Variants in RNF128 observed in about 807,000 individuals in gnomAD.
RNF128 encodes the protein E3 ubiquitin-protein ligase RNF128.
A neutral mutation model predicts 26.2 loss-of-function variants in RNF128; 13 were observed. The observed-to-expected ratio is 0.50, with a 90% CI of 0.32 to 0.79. The LOEUF (loss-of-function observed/expected upper bound fraction) is 0.79, where lower values mean the gene tolerates loss of function less well. Ranked by LOEUF, RNF128 falls within the 30% of genes least tolerant of loss-of-function variation. The probability of loss-of-function intolerance (pLI) is 0.03; values close to 1 mark genes in which losing one functional copy is unlikely to be tolerated. For synonymous variants in RNF128, 149 were observed against 142.5 expected (o/e 1.05, Z -0.32); for missense variants, 315 against 349.7 (o/e 0.90, Z 0.79).
At chrX:106,771,558 G>A (rs1231183064) in intron 1 of RNF128, among the ~76,000 whole-genome samples, 5 of 112,974 alleles carry the variant, frequency 4.4e-5, no homozygotes, top group East Asian at 5.6e-4. Flanking sequence ...TGAGCCAGGC[G>A]CGGGTTATAA....
intron 1 of RNF128, among the ~76,000 whole-genome samples, chrX:106,719,753 T>A (rs189475338): frequency 1.8e-5 from 2 of 109,568 alleles, no homozygotes; most frequent in East Asian, 5.7e-4. Flanking sequence ...CTATTTTAGT[T>A]GAGAAAGAAG....
chrX:106,739,731 C>G (rs950841703), intron 1 of RNF128, among the ~76,000 whole-genome samples: 3 of 110,901 alleles, frequency 2.7e-5, no homozygotes, highest in African/African-American at 9.8e-5. Context: ...CATGTGTGGA[C>G]CTTAATGTAG....
chrX:106,767,185 T>A (rs1318568277), intron 1 of RNF128, among the ~76,000 whole-genome samples: 2 of 111,773 alleles, frequency 1.8e-5, no homozygotes, highest in African/African-American at 6.5e-5. Context: ...CTTAGGATTG[T>A]CTTGGCGATG....
chrX:106,720,041 T>A (rs892789147), intron 1 of RNF128, among the ~76,000 whole-genome samples: 25 of 111,312 alleles, frequency 2.2e-4, no homozygotes, highest in African/African-American at 8.2e-4. Context: ...TCTTTTGGAA[T>A]CTTCACCTTA....
chrX:106,717,949 T>C (rs1471287779), intron 1 of RNF128, among the ~76,000 whole-genome samples: 3 of 112,016 alleles, frequency 2.7e-5, no homozygotes, highest in East Asian at 5.6e-4. Flanking sequence ...ATCTACTCTT[T>C]AGTAGACTAC....
intron 1 of RNF128, among the ~76,000 whole-genome samples, chrX:106,755,843 C>A (rs1442880102): frequency 9.1e-6 from 1 of 110,441 alleles, no homozygotes; most frequent in Non-Finnish European, 1.9e-5. Flanking sequence ...ACCCCATTGT[C>A]TCAGCCCAAA....
intron 1 of RNF128, among the ~76,000 whole-genome samples, chrX:106,738,886 A>G (rs1049176490): frequency 9.9e-5 from 11 of 111,537 alleles, no homozygotes; most frequent in African/African-American, 3.3e-4. Flanking sequence ...CCATCTCCTT[A>G]CCCTCATCTA....
intron 4 of RNF128, among the ~76,000 whole-genome samples, chrX:106,788,483 A>G (rs1187333438): frequency 1.8e-5 from 1 of 54,807 alleles, no homozygotes; most frequent in African/African-American, 7.6e-5. Flanking sequence ...TTGTAATTAT[A>G]TATTATAATT....
At chrX:106,781,739 T>C (rs1449136026) in intron 2 of RNF128, among the ~76,000 whole-genome samples, 1 of 112,443 alleles carries the variant, frequency 8.9e-6, no homozygotes, top group Non-Finnish European at 1.9e-5. Context: ...CACATTTTTA[T>C]TCTAAGGCTG....
chrX:106,736,455 A>G (rs999228849), intron 1 of RNF128, among the ~76,000 whole-genome samples: 2 of 110,908 alleles, frequency 1.8e-5, no homozygotes, highest in African/African-American at 3.3e-5. Context: ...ATACATACAC[A>G]CCCCTCTTAG....
chrX:106,707,947 G>T (rs940517596), intron 1 of RNF128, among the ~76,000 whole-genome samples: 97 of 111,738 alleles, frequency 8.7e-4, no homozygotes, highest in African/African-American at 2.9e-3. Context: ...CAGGGACTTT[G>T]TTTCATTCAT....
At chrX:106,740,411 A>G in intron 1 of RNF128, among the ~76,000 whole-genome samples, 1 of 111,706 alleles carries the variant, frequency 9.0e-6, no homozygotes, top group African/African-American at 3.3e-5. Flanking sequence ...TGAAAGGTTC[A>G]GGATAAAGTG....
rs958312751 is a variant in RNF128, at chrX:106,796,803, G to A, written c.*1090G>A. ...AAAATGCACTTTATTTGTACTCTGT[G>A]TGGCTTTTGTTTTAGAATTTTGTTC... is the stretch of plus-strand genomic sequence containing the variant. On this transcript the variant is annotated 3_prime_UTR_variant, in exon 7 of 7. Transcript: ENST00000255499. The A allele has an allele frequency of 1.8e-5, 2 of 111,526 alleles. No individual in the cohort carries two copies. The highest frequency in any genetic ancestry group is 6.5e-5 in the African/African-American group (2 of 30,615). 9.2% of individuals were successfully genotyped at this position (111,526 alleles called of 1,213,427 possible). A position where few individuals can be genotyped will look rare whatever the true frequency, so the allele number is the denominator to read the frequency against.
chrX:106,769,546 G>GTTTTTTTTTTTTTTTTT (rs752900867), intron 1 of RNF128, among the ~76,000 whole-genome samples: 16 of 65,095 alleles, frequency 2.5e-4, no homozygotes, highest in East Asian at 5.7e-4. Context: ...CACCTGCTTT[G>GTTTTTTTTTTTTTTTTT]TTTTTTTTTT....
chrX:106,770,240 A>C (rs999694952), intron 1 of RNF128, among the ~76,000 whole-genome samples: 8 of 111,012 alleles, frequency 7.2e-5, no homozygotes, highest in African/African-American at 2.6e-4. Context: ...TGCTCTTCTC[A>C]AGGAGTATCT....
intron 6 of RNF128, among the ~76,000 whole-genome samples, chrX:106,791,463 A>C (rs5962363): frequency 0.027 from 2,973 of 111,588 alleles, 100 homozygotes; most frequent in African/African-American, 0.093. Flanking sequence ...TACAAAAGAA[A>C]GATTTATTGG....
upstream of RNF128, chrX:106,726,603 C>T (rs1223451594): frequency 2.1e-5 from 18 of 866,717 alleles, no homozygotes; most frequent in Non-Finnish European, 2.4e-5. Flanking sequence ...TTTTAAGAGG[C>T]GGATCCCGCA....
At chrX:106,764,905 G>C (rs1461278733) in intron 1 of RNF128, among the ~76,000 whole-genome samples, 2 of 111,530 alleles carry the variant, frequency 1.8e-5, no homozygotes, top group African/African-American at 6.5e-5. Context: ...AATAATGTCT[G>C]TGATTTTAGT....
rs1291777206 is a variant in RNF128 at position 106,796,332 on chromosome X, A to T, written c.*619A>T. ...TAGTTTATCAGAGATTATGGACTTAATTGATTGGTATATTAGTGACATCAA... is the reference window on the plus strand; with the variant it reads ...TAGTTTATCAGAGATTATGGACTTATTTGATTGGTATATTAGTGACATCAA... On this transcript the variant is annotated 3_prime_UTR_variant, in exon 7 of 7. Transcript: ENST00000255499. 5.4e-5 allele frequency: 6 copies of T among 111,917 alleles called. No individual in the cohort carries two copies. Among genetic ancestry groups the T allele is most frequent in the African/African-American group, 1.6e-4 (5 of 30,777 alleles). 9.2% of individuals were successfully genotyped at this position (111,917 alleles called of 1,213,427 possible). A position where few individuals can be genotyped will look rare whatever the true frequency, so the allele number is the denominator to read the frequency against.
Sources: allele counts gnomAD v4.1 joint callset (sites outside exome capture counted in the v4.1 genomes callset), GRCh38; gene constraint gnomAD v4.1.1; transcripts MANE v1.5; gene names NCBI Gene and HGNC (gene_info 2026-07-23, HGNC 2026-07-21).